The following MPRIP variants were observed in gnomAD, a reference collection of about 807,000 sequenced individuals.
MPRIP encodes myosin phosphatase Rho-interacting protein.
MPRIP carries 59 observed loss-of-function variants against 234.9 expected under a neutral mutation model. The ratio of observed to expected loss-of-function variants is 0.25; its 90% confidence interval spans 0.20 to 0.31. The LOEUF (loss-of-function observed/expected upper bound fraction) is 0.31, where lower values mean the gene tolerates loss of function less well. Among genes scored for constraint, MPRIP ranks in the 10% least tolerant of loss-of-function variants. MPRIP has a pLI of 1.00. For synonymous variants in MPRIP, 1,144 were observed against 1,263.9 expected, an observed-to-expected ratio of 0.91 and a Z score of 2.01; for missense variants, 2,436 against 3,071.0, an observed-to-expected ratio of 0.79 and a Z score of 4.89.
chr17:17,159,570 C>T (rs1052290842), intron 14 of MPRIP, among the ~76,000 whole-genome samples: 55 of 152,194 alleles, frequency 3.6e-4, no homozygotes, highest in African/African-American at 6.0e-4. Flanking sequence ...CACTCCTCCA[C>T]GAGGCCTTCA....
chr17:17,136,907 C>A (rs552122679), intron 6 of MPRIP, among the ~76,000 whole-genome samples: 1 of 152,268 alleles, frequency 6.6e-6, no homozygotes, highest in African/African-American at 2.4e-5. Context: ...CAGTTGGCAT[C>A]CTCGTGCCCT....
Position 17,078,967 on chromosome 17 carries a change from T to C in MPRIP, c.267+891T>C, listed in dbSNP as rs1445887063. On this transcript the variant is annotated intron_variant, in intron 3 of 23. Coordinates refer to ENST00000651222, the MANE Select transcript of MPRIP (RefSeq NM_001364716.4). The surrounding 1 kb of genome is among the most constrained non-coding windows in gnomAD (Gnocchi z 4.3). ...CTATGTAAAATAGGCAGCCCCTGCCTATCCTACCCAGAGTTTGTTTCTTTG... is the reference window on the plus strand; with the variant it reads ...CTATGTAAAATAGGCAGCCCCTGCCCATCCTACCCAGAGTTTGTTTCTTTG... Among the ~76,000 whole-genome samples the C allele has an allele frequency of 6.6e-6, 1 of 152,190 alleles. No individual in the cohort carries two copies. The highest frequency in any genetic ancestry group is 1.5e-5 in the Non-Finnish European group (1 of 68,038).
chr17:17,137,401 C>T (rs1224936926), intron 6 of MPRIP, among the ~76,000 whole-genome samples: 1 of 151,770 alleles, frequency 6.6e-6, no homozygotes, highest in East Asian at 1.9e-4. Context: ...GTAGTCCTAG[C>T]TACTTGGGAG....
intron 12 of MPRIP, among the ~76,000 whole-genome samples, chr17:17,152,304 G>A (rs57812549): frequency 0.088 from 13,339 of 152,262 alleles, 821 homozygotes; most frequent in East Asian, 0.18. Context: ...CTCTCCTGCC[G>A]TCCACCTCCC....
At chr17:17,114,697 C>T (rs1182838631) in intron 3 of MPRIP, among the ~76,000 whole-genome samples, 1 of 101,372 alleles carries the variant, frequency 9.9e-6, no homozygotes, top group Non-Finnish European at 2.2e-5. Flanking sequence ...TACCTTCTTC[C>T]CATCTACCCC....
intron 1 of MPRIP, among the ~76,000 whole-genome samples, chr17:17,044,373 T>A (rs1271802462): frequency 6.6e-6 from 1 of 152,226 alleles, no homozygotes; most frequent in Non-Finnish European, 1.5e-5. Context: ...GAGACTTTGC[T>A]TCAGGTCTTG....
intron 16 of MPRIP, chr17:17,168,295 C>T: frequency 3.8e-6 from 1 of 264,812 alleles, no homozygotes; most frequent in Non-Finnish European, 7.4e-6. Context: ...GGCCCAGTCC[C>T]AGCCCAAATC....
intron 7 of MPRIP, among the ~76,000 whole-genome samples, chr17:17,139,419 G>A (rs1362740531): frequency 6.6e-6 from 1 of 152,154 alleles, no homozygotes; most frequent in Non-Finnish European, 1.5e-5. Flanking sequence ...GAGAGTTAGG[G>A]TTAGGCACTC....
intron 3 of MPRIP, among the ~76,000 whole-genome samples, chr17:17,090,780 TG>T (rs1017675387): frequency 6.6e-6 from 1 of 152,168 alleles, no homozygotes; most frequent in South Asian, 2.1e-4. Context: ...CTGGGCGATC[TG>T]GGGGTTTTGC....
intron 23 of MPRIP, among the ~76,000 whole-genome samples, chr17:17,184,526 C>T (rs1029945982): frequency 6.6e-6 from 1 of 152,226 alleles, no homozygotes; most frequent in Non-Finnish European, 1.5e-5. Flanking sequence ...TGGCTGGATT[C>T]GTTTGATCAC....
rs1359717358 is a variant in MPRIP at position 17,164,888 on chromosome 17, C to T, written c.3297C>T (p.His1099=). ...REASVRRLAE[H]VQSLCDERDL... ...CCAGCGTGCGCAGGCTCGCAGAGCA[C>T]GTGCAGAGCCTCTGTGACGAGCGGG... Residue 1099 remains histidine, a synonymous_variant, in exon 16 of 24, where the codon CAC becomes CAT. Coordinates refer to ENST00000651222, the MANE Select transcript of MPRIP (RefSeq NM_001364716.4). The T allele has an allele frequency of 7.6e-5, 99 of 1,303,664 alleles. No homozygotes were observed. The highest frequency in any genetic ancestry group is 9.7e-5 in the Non-Finnish European group (96 of 988,612). 80.8% of individuals were successfully genotyped at this position (1,303,664 alleles called of 1,614,324 possible).
intron 3 of MPRIP, among the ~76,000 whole-genome samples, chr17:17,122,995 C>T (rs1837110933): frequency 6.6e-6 from 1 of 152,216 alleles, no homozygotes; most frequent in Non-Finnish European, 1.5e-5. Flanking sequence ...AATGGATAAA[C>T]AAAATGCGGT....
intron 1 of MPRIP, among the ~76,000 whole-genome samples, chr17:17,049,060 C>T (rs1002005014): frequency 6.6e-6 from 1 of 152,150 alleles, no homozygotes; most frequent in Non-Finnish European, 1.5e-5. Context: ...GAAAACATTG[C>T]GCTAAGAGGC....
At chr17:17,112,272 AAGTCTCG>A (rs1286445111) in intron 3 of MPRIP, among the ~76,000 whole-genome samples, 1 of 152,104 alleles carries the variant, frequency 6.6e-6, no homozygotes, top group Non-Finnish European at 1.5e-5. Flanking sequence ...CTCCCAGGAC[AAGTCTCG>A]AGCCTTGTGC....
intron 16 of MPRIP, chr17:17,169,208 CT>C (rs2046076751): frequency 2.8e-6 from 1 of 357,310 alleles, no homozygotes; most frequent in African/African-American, 2.1e-5. Flanking sequence ...AAGAGCAGCA[CT>C]GAGATGGGTG....
chr17:17,075,927 G>A, intron 2 of MPRIP, 140 bp downstream of exon 2: 9 of 764,692 alleles, frequency 1.2e-5, no homozygotes, highest in South Asian at 5.1e-5. Context: ...CCCCCATTTG[G>A]TGCACTTGTA....
At chr17:17,149,672 ATATATT>A (rs2045554255) in intron 11 of MPRIP, 1 of 148,516 alleles carries the variant, frequency 6.7e-6, no homozygotes, top group Non-Finnish European at 1.5e-5. Flanking sequence ...AAATGAACAA[ATATATT>A]TAAATTTTAC....
rs558489376 is a variant in MPRIP, at chr17:17,129,258, C to T, written c.420-2359C>T. Among the ~76,000 whole-genome samples the T allele has an allele frequency of 3.9e-5, 6 of 152,186 alleles. No individual in the cohort carries two copies. The South Asian group carries it at 1.2e-3, about 32-fold the overall frequency. On this transcript the variant is annotated intron_variant, in intron 4 of 23. Coordinates refer to ENST00000651222, the MANE Select transcript of MPRIP (RefSeq NM_001364716.4). ...CTCAGCTGGGTGAAGTCTGGACTTC[C>T]CTTCTCCCTGCCCTGCCTTTTAACC...
At chr17:17,170,066 A>T (rs770527544) in intron 16 of MPRIP, 5 of 151,946 alleles carry the variant, frequency 3.3e-5, no homozygotes, top group Non-Finnish European at 5.9e-5. Flanking sequence ...GACTTAAAAG[A>T]TCTATTAATA....
Sources: gnomAD v4.1 joint callset for allele counts (sites outside exome capture counted in the v4.1 genomes callset) on GRCh38, gnomAD v4.1.1 for gene constraint, Gnocchi (gnomAD v3.1) non-coding constraint, MANE v1.5 for transcripts, NCBI Gene and HGNC (gene_info 2026-07-23, HGNC 2026-07-21) for gene names.